The following CRACDL variants were observed in gnomAD, a reference collection of about 807,000 sequenced individuals.
CRACDL encodes the protein CRACD-like protein.
CRACDL carries 26 observed loss-of-function variants against 70.6 expected under a neutral mutation model. The ratio of observed to expected loss-of-function variants is 0.37; its 90% CI spans 0.27 to 0.51. The LOEUF is 0.51. Ranked by LOEUF, CRACDL falls within the 20% of genes least tolerant of loss-of-function variation. CRACDL has a pLI of 0.94. For missense variants in CRACDL, 1,283 were observed against 1,376.9 expected (o/e 0.93, Z 1.08); for synonymous variants, 618 against 615.2 (o/e 1.00, Z -0.07).
intron 7 of CRACDL, among the ~76,000 whole-genome samples, chr2:98,809,977 C>A (rs1704487345): frequency 6.6e-6 from 1 of 151,742 alleles, no homozygotes; most frequent in Admixed American, 6.6e-5. Flanking sequence ...CTAAGAGGTG[C>A]TCCTCAGAGT....
At chr2:98,922,681 G>T (rs939686922) in intron 1 of CRACDL, among the ~76,000 whole-genome samples, 2 of 152,070 alleles carry the variant, frequency 1.3e-5, no homozygotes, top group African/African-American at 4.8e-5. Context: ...CTCCCTCACA[G>T]GGGAGCCTAG....
intron 2 of CRACDL, among the ~76,000 whole-genome samples, chr2:98,844,098 C>T (rs1322508089): frequency 6.6e-6 from 1 of 152,160 alleles, no homozygotes; most frequent in African/African-American, 2.4e-5. Flanking sequence ...GAATATTGAG[C>T]TAACTGTATG....
At chr2:98,820,593 C>A (rs1231531732) in intron 7 of CRACDL, among the ~76,000 whole-genome samples, 6 of 152,166 alleles carry the variant, frequency 3.9e-5, no homozygotes, top group Non-Finnish European at 8.8e-5. Context: ...TTTAGCTCTG[C>A]TGCAAATACA....
At chr2:98,824,899 C>A (rs1338935067) in intron 6 of CRACDL, among the ~76,000 whole-genome samples, 1 of 152,210 alleles carries the variant, frequency 6.6e-6, no homozygotes, top group Non-Finnish European at 1.5e-5. Flanking sequence ...GCTGCAGGTT[C>A]TTTACTTTGC....
chr2:98,838,251 A>G lies in CRACDL; in HGVS notation c.107T>C (p.Phe36Ser). 1 of 1,610,968 alleles carries G rather than the reference A, an allele frequency of 6.2e-7. No homozygotes were observed. The highest frequency in any genetic ancestry group is 8.5e-7 in the Non-Finnish European group (1 of 1,178,046). Residue 36 changes from phenylalanine (F) to serine (S), a missense_variant, in exon 3 of 10, where the codon TTT (phenylalanine) becomes TCT (serine). By Grantham distance (155) the Phe-to-Ser change is radical. Transcript: ENST00000397899. ...KKSKFKTFKK[F>S]FGKKKRKESP... ...TTCTTTTCTCTTCTTCTTCCCAAAAAACTTCTTAAAAGTTTTGAATTTAGA... is the reference window on the plus strand; with the variant it reads ...TTCTTTTCTCTTCTTCTTCCCAAAAGACTTCTTAAAAGTTTTGAATTTAGA...
chr2:98,833,369 C>T (rs544082256), intron 3 of CRACDL, among the ~76,000 whole-genome samples: 185 of 152,358 alleles, frequency 1.2e-3, no homozygotes, highest in African/African-American at 4.2e-3. Flanking sequence ...GGTGAGGTCA[C>T]GCCTTGTGGG....
At chr2:98,902,063 G>A (rs532450272) in intron 1 of CRACDL, among the ~76,000 whole-genome samples, 2 of 152,150 alleles carry the variant, frequency 1.3e-5, no homozygotes, top group Admixed American at 6.5e-5. Context: ...ACTGTAAAAA[G>A]TTCCAAAGGT....
chr2:98,807,442 TAC>T lies in CRACDL; in HGVS notation c.2417-9907_2417-9906del, dbSNP rs1429416128. Among the ~76,000 whole-genome samples, 6 of 152,322 alleles carry T rather than the reference TAC, an allele frequency of 3.9e-5. No homozygotes were observed. The East Asian group carries it at 1.2e-3, about 29-fold the overall frequency. On this transcript the variant is annotated intron_variant, in intron 7 of 9. Transcript: ENST00000397899. ...CGTCTCTACCTGCTAGATGCTGGTA[TAC>T]CTCCCTTCCCCACCCTACCACAGCG...
intron 1 of CRACDL, among the ~76,000 whole-genome samples, chr2:98,867,942 A>G (rs558992940): frequency 6.6e-6 from 1 of 152,296 alleles, no homozygotes; most frequent in Admixed American, 6.5e-5. Flanking sequence ...GCAGATGTGG[A>G]GCTGAATTTG....
chr2:98,832,736 G>A, intron 4 of CRACDL, 126 bp downstream of exon 4: 1 of 1,256,638 alleles, frequency 8.0e-7, no homozygotes, highest in Non-Finnish European at 1.1e-6. Flanking sequence ...TGTGTCCTGG[G>A]GGAGCTGTCA....
intron 1 of CRACDL, among the ~76,000 whole-genome samples, chr2:98,869,682 C>T (rs1311621591): frequency 2.0e-5 from 3 of 152,214 alleles, no homozygotes; most frequent in Non-Finnish European, 4.4e-5. Flanking sequence ...AACCACCCGG[C>T]CCCTCCTGCC....
At chr2:98,894,937 C>T (rs1269460980) in intron 1 of CRACDL, among the ~76,000 whole-genome samples, 1 of 152,254 alleles carries the variant, frequency 6.6e-6, no homozygotes, top group East Asian at 1.9e-4. Flanking sequence ...AAGAGCTCAA[C>T]TTTACAAACA....
At chr2:98,801,730 C>A (rs889889877) in intron 7 of CRACDL, among the ~76,000 whole-genome samples, 2 of 152,138 alleles carry the variant, frequency 1.3e-5, no homozygotes, top group Admixed American at 1.3e-4. Context: ...TACCTCTCAG[C>A]GTGGTTGGTG....
At chr2:98,904,139 A>G (rs1708349775) in intron 1 of CRACDL, among the ~76,000 whole-genome samples, 1 of 152,234 alleles carries the variant, frequency 6.6e-6, no homozygotes, top group Non-Finnish European at 1.5e-5. Flanking sequence ...CAGAAGGAAC[A>G]CTGAGTGGTC....
intron 2 of CRACDL, among the ~76,000 whole-genome samples, chr2:98,844,806 C>T (rs1243735534): frequency 1.3e-5 from 2 of 152,162 alleles, no homozygotes; most frequent in Non-Finnish European, 2.9e-5. Context: ...TAGAAGGCAC[C>T]TTCCTTTAGT....
chr2:98,848,825 C>A (rs979217800), intron 1 of CRACDL, among the ~76,000 whole-genome samples: 7 of 152,196 alleles, frequency 4.6e-5, no homozygotes, highest in Non-Finnish European at 8.8e-5. Context: ...TGAGCTCAAG[C>A]AATCTGCTTG....
intron 1 of CRACDL, among the ~76,000 whole-genome samples, chr2:98,931,624 A>G (rs919255765): frequency 1.3e-5 from 2 of 152,204 alleles, no homozygotes; most frequent in Non-Finnish European, 2.9e-5. Context: ...CCCACACACC[A>G]CAGCCAGGAG....
intron 7 of CRACDL, among the ~76,000 whole-genome samples, chr2:98,801,298 G>A (rs1704064543): frequency 6.6e-6 from 1 of 152,256 alleles, no homozygotes; most frequent in African/African-American, 2.4e-5. Flanking sequence ...AGGAAAAAGA[G>A]AGAGAACCCA....
chr2:98,809,919 T>TATA (rs1325012062), intron 7 of CRACDL: 2 of 152,210 alleles, frequency 1.3e-5, no homozygotes, highest in Non-Finnish European at 2.9e-5. Flanking sequence ...AGGAGGAAAT[T>TATA]AAGACTCAGA....
Sources: allele counts gnomAD v4.1 joint callset (sites outside exome capture counted in the v4.1 genomes callset), GRCh38; gene constraint gnomAD v4.1.1; transcripts MANE v1.5; gene names NCBI Gene and HGNC (gene_info 2026-07-23, HGNC 2026-07-21).